Variants in CEP76 observed in about 807,000 individuals in gnomAD.
CEP76 encodes the protein centrosomal protein 76.
A neutral mutation model predicts 83.3 loss-of-function variants in CEP76; 55 were observed. That is an observed-to-expected ratio of 0.66 (90% CI 0.53 to 0.83). The LOEUF is 0.83. CEP76 is among the 40% of genes least tolerant of loss of function. The pLI, the probability that CEP76 is intolerant of heterozygous loss-of-function variation, is 0.00. For missense variants in CEP76, 694 were observed against 799.5 expected (o/e 0.87, Z 1.59); for synonymous variants, 270 against 274.5 (o/e 0.98, Z 0.16).
intron 10 of CEP76, 109 bp from the exon 11 acceptor site, chr18:12,674,862 A>G (rs938602791): frequency 1.7e-6 from 1 of 582,188 alleles, no homozygotes; most frequent in African/African-American, 1.9e-5. Flanking sequence ...GATTTTTAAA[A>G]GCTATCATAA....
chr18:12,670,179 A>G (rs1035076358), downstream of CEP76, among the ~76,000 whole-genome samples: 2 of 151,296 alleles, frequency 1.3e-5, no homozygotes. Flanking sequence ...AATACAAAAA[A>G]ATTAGCTGGG....
At chr18:12,668,867 A>G (rs968985365), downstream of CEP76, among the ~76,000 whole-genome samples, 1 of 149,058 alleles carries the variant, frequency 6.7e-6, no homozygotes, top group Non-Finnish European at 1.5e-5. Context: ...CAGCCTCCCA[A>G]GTAGCTGGGA....
At chr18:12,699,258 G>C in intron 3 of CEP76, 55 bp from the exon 4 acceptor site, 1 of 1,207,272 alleles carries the variant, frequency 8.3e-7, no homozygotes, top group Non-Finnish European at 1.2e-6. Context: ...AAAAGAATGT[G>C]ATCAAGACAT....
chr18:12,682,114 C>T (rs865876175), intron 8 of CEP76, among the ~76,000 whole-genome samples: 1 of 152,012 alleles, frequency 6.6e-6, no homozygotes, highest in Non-Finnish European at 1.5e-5. Flanking sequence ...AGACTACACG[C>T]GAAAGCAAAA....
At chr18:12,695,852 C>CCA (rs375916938) in intron 5 of CEP76, among the ~76,000 whole-genome samples, 33,561 of 148,214 alleles carry the variant, frequency 0.23, 3,983 homozygotes, top group South Asian at 0.38. Flanking sequence ...CATTCCTTCT[C>CCA]CACACACACA....
Position 12,680,654 on chromosome 18 carries a change from A to G in CEP76, c.1289+8T>C. 6.3e-7 allele frequency: 1 copy of G among 1,584,176 alleles called. No individual in the cohort carries two copies. The highest frequency in any genetic ancestry group is 8.6e-7 in the Non-Finnish European group (1 of 1,166,674). ...ATTTTAATATCCTTATAAACTTAGT[A>G]AACTAACCTGTGTCCTGTTAAACTC... On this transcript the variant is annotated splice_region_variant and intron_variant, in intron 9 of 11. Coordinates refer to ENST00000262127, the MANE Select transcript of CEP76 (RefSeq NM_024899.4).
chr18:12,675,125 G>A (rs541607966), intron 10 of CEP76, among the ~76,000 whole-genome samples: 3 of 152,184 alleles, frequency 2.0e-5, no homozygotes, highest in Admixed American at 6.6e-5. Flanking sequence ...GGCCGGGTGC[G>A]GTGGCTCACG....
intron 12 of CEP76, among the ~76,000 whole-genome samples, chr18:12,667,571 C>G (rs1031583308): frequency 6.6e-6 from 1 of 151,524 alleles, no homozygotes; most frequent in Non-Finnish European, 1.5e-5. Flanking sequence ...ACCAGCCTGG[C>G]CAACATGGTG....
At chr18:12,701,399 G>A (rs1189890225) in intron 1 of CEP76, among the ~76,000 whole-genome samples, 1 of 152,126 alleles carries the variant, frequency 6.6e-6, no homozygotes, top group Non-Finnish European at 1.5e-5. Context: ...ACTGGGAGTA[G>A]GCAGATCAAA....
intron 8 of CEP76, among the ~76,000 whole-genome samples, chr18:12,681,865 G>C (rs898072787): frequency 6.6e-6 from 1 of 152,088 alleles, no homozygotes. Context: ...GTATGGTGGT[G>C]TGTGCCTGTA....
chr18:12,683,466 A>G (rs1398440606), intron 8 of CEP76, among the ~76,000 whole-genome samples: 3 of 151,992 alleles, frequency 2.0e-5, no homozygotes, highest in Non-Finnish European at 4.4e-5. Context: ...TATTGACTCA[A>G]GGAAACTTAA....
rs2038993863 is a variant in CEP76 at position 12,673,276 on chromosome 18, T to C, written c.*89A>G. The C allele has an allele frequency of 4.7e-6, 7 of 1,485,768 alleles. No homozygotes were observed. Among genetic ancestry groups the C allele is most frequent in the Non-Finnish European group, 6.2e-6 (7 of 1,124,206 alleles). The allele number at this position is 1,485,768 out of a possible 1,614,324, so 92.0% of individuals were successfully genotyped here. A position where few individuals can be genotyped will look rare whatever the true frequency, so the allele number is the denominator to read the frequency against. The stretch of plus-strand genomic sequence containing the variant: ...TGCCATTCAAGCCAGATTGTGATTT[T>C]AAAATAACAAACCTCTAAATAGCTA... On this transcript the variant is annotated 3_prime_UTR_variant, in exon 12 of 12. Transcript: ENST00000262127.
rs771036468 is a variant in CEP76, at chr18:12,678,408, G to T, written c.1324C>A (p.Pro442Thr). Residue 442 changes from proline to threonine, a missense_variant, in exon 10 of 12, where the codon CCA (proline) becomes ACA (threonine). Physicochemically the swap from Pro to Thr is conservative, Grantham distance 38. Transcript: ENST00000262127. ...IHKPTNPDEP[P>T]VAEQPKPLYP... ...AGTGGTTTGGGCTGTTCAGCAACTGGAGGTTCATCAGGATTGGTAGGTTTA... is the reference window on the plus strand; with the variant it reads ...AGTGGTTTGGGCTGTTCAGCAACTGTAGGTTCATCAGGATTGGTAGGTTTA... The T allele has an allele frequency of 6.2e-7, 1 of 1,613,608 alleles. No homozygotes were observed. Among genetic ancestry groups the T allele is most frequent in the Admixed American group, 1.7e-5 (1 of 60,002 alleles).
In CEP76 at chr18:12,702,644, C is replaced by T; in HGVS notation, c.-96G>A. 7.3e-7 allele frequency: 1 copy of T among 1,373,636 alleles called. No individual in the cohort carries two copies. Among genetic ancestry groups the T allele is most frequent in the East Asian group, 2.7e-5 (1 of 37,434 alleles). The allele number at this position is 1,373,636 out of a possible 1,614,324, so 85.1% of individuals were successfully genotyped here. A position where few individuals can be genotyped will look rare whatever the true frequency, so the allele number is the denominator to read the frequency against. ...CAGGGAGCGTTAGGAGCGACTGGAG[C>T]ACAAAGCGCCGCAGCCGTTCGCCTA... On this transcript the variant is annotated 5_prime_UTR_variant, in exon 1 of 12. Transcript: ENST00000262127.
chr18:12,695,276 G>A lies in CEP76; in HGVS notation c.782C>T (p.Ser261Phe). 1 of 1,545,720 alleles carries A rather than the reference G, an allele frequency of 6.5e-7. No homozygotes were observed. The highest frequency in any genetic ancestry group is 8.9e-7 in the Non-Finnish European group (1 of 1,126,764). ...TACCTGTGTGTTCACTACTTCTTGAGATAACGTTTGATTGAGTGGTGGATA... is the reference window on the plus strand; with the variant it reads ...TACCTGTGTGTTCACTACTTCTTGAAATAACGTTTGATTGAGTGGTGGATA... ...EMYPPLNQTL[S>F]QEVVNTQLAL... The change falls in exon 6 of 12, where the codon TCT becomes TTT. Residue 261 changes from serine to phenylalanine, a missense_variant. Coordinates refer to ENST00000262127, the MANE Select transcript of CEP76 (RefSeq NM_024899.4).
At chr18:12,689,855 T>C (rs1024065766) in intron 7 of CEP76, among the ~76,000 whole-genome samples, 2 of 152,190 alleles carry the variant, frequency 1.3e-5, no homozygotes, top group Non-Finnish European at 2.9e-5. Flanking sequence ...AATGGCGTGA[T>C]CTTCGCTCAC....
chr18:12,679,874 A>G (rs907142090), intron 9 of CEP76, among the ~76,000 whole-genome samples: 1 of 151,952 alleles, frequency 6.6e-6, no homozygotes, highest in Non-Finnish European at 1.5e-5. Context: ...ACCAGCCTAG[A>G]CAACACAGCA....
intron 5 of CEP76, among the ~76,000 whole-genome samples, chr18:12,695,885 C>CACACAA (rs557125479): frequency 2.7e-5 from 4 of 149,746 alleles, no homozygotes; most frequent in African/African-American, 9.9e-5. Context: ...CACACACACA[C>CACACAA]TAAAAATTAG....
chr18:12,695,895 G>T (rs1177849688), intron 5 of CEP76, among the ~76,000 whole-genome samples: 1 of 146,232 alleles, frequency 6.8e-6, no homozygotes, highest in African/African-American at 2.6e-5. Context: ...CTAAAAATTA[G>T]AAAGCATTTA....
Sources: gnomAD v4.1 joint callset for allele counts (sites outside exome capture counted in the v4.1 genomes callset) on GRCh38, gnomAD v4.1.1 for gene constraint, MANE v1.5 for transcripts, NCBI Gene and HGNC (gene_info 2026-07-23, HGNC 2026-07-21) for gene names.